RFX3: variants seen among roughly 807,000 people sequenced by gnomAD.
RFX3 encodes the protein regulatory factor X3.
In RFX3, 14 loss-of-function variants were observed where a neutral mutation model predicts 98.6. The observed-to-expected ratio is 0.14, with a 90% CI of 0.09 to 0.22. The LOEUF (loss-of-function observed/expected upper bound fraction) is 0.22, where lower values mean the gene tolerates loss of function less well. RFX3 is among the 10% of genes least tolerant of loss of function. The pLI, the probability that RFX3 is intolerant of heterozygous loss-of-function variation, is 1.00. For missense variants in RFX3, 639 were observed against 926.9 expected (o/e 0.69, Z 4.03); for synonymous variants, 383 against 328.4 (o/e 1.17, Z -1.80).
chr9:3,228,343 T>A (rs1000858029), intron 16 of RFX3, among the ~76,000 whole-genome samples: 1 of 152,204 alleles, frequency 6.6e-6, no homozygotes, highest in African/African-American at 2.4e-5. Flanking sequence ...AATGCTGATA[T>A]TAAAATTTCA....
At chr9:3,454,543 C>T (rs1022214901) in intron 1 of RFX3, among the ~76,000 whole-genome samples, 1 of 152,116 alleles carries the variant, frequency 6.6e-6, no homozygotes, top group South Asian at 2.1e-4. Context: ...AAAGCATGGA[C>T]CCGCTATAAA....
At chr9:3,471,753 G>A (rs986198066) in intron 1 of RFX3, among the ~76,000 whole-genome samples, 1 of 152,194 alleles carries the variant, frequency 6.6e-6, no homozygotes. Flanking sequence ...TGCCTAATTT[G>A]GGAGTTTGTT....
chr9:3,295,547 T>C (rs1305641010), intron 5 of RFX3, among the ~76,000 whole-genome samples: 1 of 152,078 alleles, frequency 6.6e-6, no homozygotes, highest in Non-Finnish European at 1.5e-5. Context: ...ACATAAAAAA[T>C]GTAAATACTT....
Position 3,224,809 on chromosome 9 carries a change from T to C in RFX3, c.*233A>G, listed in dbSNP as rs1335707380. ...CATTAAGTGTTGTAAAAATCCTTCT[T>C]GACACCTGAAACTAAGGGAAAAAAT... On this transcript the variant is annotated 3_prime_UTR_variant, in exon 17 of 17. Coordinates refer to ENST00000617270, the MANE Select transcript of RFX3 (RefSeq NM_001282116.2). 1 of 410,170 alleles carries C rather than the reference T, an allele frequency of 2.4e-6. No individual in the cohort carries two copies. Among genetic ancestry groups the C allele is most frequent in the African/African-American group, 2.0e-5 (1 of 49,358 alleles). 25.4% of individuals were successfully genotyped at this position (410,170 alleles called of 1,614,324 possible). A position where few individuals can be genotyped will look rare whatever the true frequency, so the allele number is the denominator to read the frequency against.
chr9:3,445,534 G>C (rs1429651087), intron 1 of RFX3, among the ~76,000 whole-genome samples: 1 of 152,018 alleles, frequency 6.6e-6, no homozygotes, highest in Non-Finnish European at 1.5e-5. Flanking sequence ...AAATCACTCC[G>C]AGTTCACTGA....
chr9:3,422,481 T>C (rs1843541582), intron 1 of RFX3, among the ~76,000 whole-genome samples: 1 of 152,190 alleles, frequency 6.6e-6, no homozygotes, highest in Non-Finnish European at 1.5e-5. Flanking sequence ...TTATTTTGAA[T>C]TGTTAGACAA....
chr9:3,379,233 C>T (rs1227614233), intron 2 of RFX3, among the ~76,000 whole-genome samples: 2 of 152,074 alleles, frequency 1.3e-5, no homozygotes, highest in African/African-American at 2.4e-5. Flanking sequence ...ATGAAAAAGT[C>T]TGTGAAGGAA....
intron 5 of RFX3, among the ~76,000 whole-genome samples, chr9:3,300,554 AT>A (rs1369092546): frequency 1.3e-5 from 2 of 151,818 alleles, no homozygotes; most frequent in East Asian, 1.9e-4. Context: ...ATTGAAAAAA[AT>A]GGTCTTATTT....
chr9:3,336,234 A>G (rs1833161427), intron 3 of RFX3, among the ~76,000 whole-genome samples: 1 of 152,190 alleles, frequency 6.6e-6, no homozygotes, highest in Non-Finnish European at 1.5e-5. Context: ...GCTACTCTGC[A>G]TACATTCTTT....
chr9:3,309,655 G>C (rs1264312129), intron 4 of RFX3, among the ~76,000 whole-genome samples: 2 of 151,882 alleles, frequency 1.3e-5, no homozygotes, highest in Non-Finnish European at 2.9e-5. Flanking sequence ...TTCAAAGAAG[G>C]GATCAATATT....
intron 1 of RFX3, among the ~76,000 whole-genome samples, chr9:3,454,150 G>C (rs1846935708): frequency 6.6e-6 from 1 of 152,098 alleles, no homozygotes; most frequent in African/African-American, 2.4e-5. Flanking sequence ...TCTCAAAAAA[G>C]TAGCTAAACA....
chr9:3,517,949 A>G (rs1818337395), intron 1 of RFX3, among the ~76,000 whole-genome samples: 1 of 152,206 alleles, frequency 6.6e-6, no homozygotes, highest in Non-Finnish European at 1.5e-5. Flanking sequence ...AAAAATTCCT[A>G]TAGCCCAGTG....
chr9:3,305,677 G>T (rs1829212133), intron 4 of RFX3, among the ~76,000 whole-genome samples: 1 of 151,984 alleles, frequency 6.6e-6, no homozygotes, highest in Non-Finnish European at 1.5e-5. Flanking sequence ...CATGATTTGG[G>T]TTTATCATAG....
At chr9:3,268,139 C>T (rs996323442) in intron 11 of RFX3, among the ~76,000 whole-genome samples, 1 of 151,692 alleles carries the variant, frequency 6.6e-6, no homozygotes, top group Non-Finnish European at 1.5e-5. Context: ...AGTGCTCATA[C>T]AATTAACGTT....
chr9:3,405,377 C>T (rs569275947), intron 1 of RFX3, among the ~76,000 whole-genome samples: 1 of 152,318 alleles, frequency 6.6e-6, no homozygotes, highest in African/African-American at 2.4e-5. Flanking sequence ...ATCCTTCCTT[C>T]TATTGAGCTA....
At chr9:3,345,758 C>A (rs3780186) in intron 3 of RFX3, among the ~76,000 whole-genome samples, 1 of 152,114 alleles carries the variant, frequency 6.6e-6, no homozygotes, top group African/African-American at 2.4e-5. Flanking sequence ...ACTCACATGT[C>A]ATGCACACTT....
At chr9:3,384,928 C>G (rs2131762275) in intron 2 of RFX3, among the ~76,000 whole-genome samples, 1 of 152,184 alleles carries the variant, frequency 6.6e-6, no homozygotes, top group East Asian at 1.9e-4. Flanking sequence ...ACTGTTACCT[C>G]TATTCCTCAA....
chr9:3,504,233 T>A (rs1195302784), intron 1 of RFX3, among the ~76,000 whole-genome samples: 1 of 134,206 alleles, frequency 7.5e-6, no homozygotes, highest in Admixed American at 8.5e-5. Flanking sequence ...TTATATACTA[T>A]ATATTATATA....
intron 3 of RFX3, among the ~76,000 whole-genome samples, chr9:3,344,315 TTTA>T (rs1834200596): frequency 6.6e-6 from 1 of 152,212 alleles, no homozygotes; most frequent in Non-Finnish European, 1.5e-5. Flanking sequence ...TTTCGAATTT[TTTA>T]TTTTTTCACA....
Sources: gnomAD v4.1 joint callset for allele counts (sites outside exome capture counted in the v4.1 genomes callset) on GRCh38, gnomAD v4.1.1 for gene constraint, MANE v1.5 for transcripts, NCBI Gene and HGNC (gene_info 2026-07-23, HGNC 2026-07-21) for gene names.